Variants in SGIP1 observed in about 807,000 individuals in gnomAD.
The protein encoded by SGIP1 is SH3-containing GRB2-like protein 3-interacting protein 1.
In SGIP1, 38 loss-of-function variants were observed where a neutral mutation model predicts 107.5. That is an observed-to-expected ratio of 0.35 (90% CI 0.27 to 0.46). SGIP1 has a LOEUF of 0.46. Ranked by LOEUF, SGIP1 falls within the 20% of genes least tolerant of loss-of-function variation. The pLI is 1.00. For synonymous variants in SGIP1, 365 were observed against 366.1 expected (o/e 1.00, Z 0.03); for missense variants, 929 against 1,019.5 (o/e 0.91, Z 1.21).
chr1:66,696,349 T>C (rs1230600350), intron 18 of SGIP1, among the ~76,000 whole-genome samples: 1 of 152,204 alleles, frequency 6.6e-6, no homozygotes, highest in Non-Finnish European at 1.5e-5. Flanking sequence ...AATCCTGCTT[T>C]CTAGGATTTT....
At chr1:66,664,274 A>G (rs550254058) in intron 8 of SGIP1, among the ~76,000 whole-genome samples, 18 of 152,282 alleles carry the variant, frequency 1.2e-4, no homozygotes, top group African/African-American at 4.3e-4. Flanking sequence ...TTTAAGGTGC[A>G]TCCAGGCAGG....
chr1:66,613,108 AT>A (rs2068381995), intron 1 of SGIP1, among the ~76,000 whole-genome samples: 1 of 152,168 alleles, frequency 6.6e-6, no homozygotes, highest in Non-Finnish European at 1.5e-5. Flanking sequence ...ACTCAATATA[AT>A]TTTGTCTTTT....
intron 18 of SGIP1, among the ~76,000 whole-genome samples, chr1:66,708,837 T>G (rs2092707569): frequency 6.6e-6 from 1 of 152,140 alleles, no homozygotes; most frequent in Middle Eastern, 3.2e-3. Context: ...AGCAGAGACT[T>G]ATGAAGAGGA....
chr1:66,628,294 T>C (rs1048132777), intron 2 of SGIP1: 3 of 154,264 alleles, frequency 1.9e-5, no homozygotes, highest in Non-Finnish European at 4.4e-5. Context: ...TGATGATGCC[T>C]TCACTAGATC....
rs1175687856 is a variant in SGIP1, at chr1:66,630,801, CGGAAAGAAAGAA to C, written c.75-2268_75-2257del. Among the ~76,000 whole-genome samples the C allele has an allele frequency of 7.5e-3, 433 of 57,978 alleles. 45 individuals are homozygous for C. The highest frequency in any genetic ancestry group is 0.039 in the East Asian group (48 of 1,218). 38.0% of individuals were successfully genotyped at this position (57,978 alleles called of 152,430 possible). On this transcript the variant is annotated intron_variant, in intron 2 of 24. Coordinates refer to ENST00000371037, the MANE Select transcript of SGIP1 (RefSeq NM_032291.4). ...AGCCTGGGTGACAAGAGCAAAACTC[CGGAAAGAAAGAA>C]AGAAAGAAAGAAAGAAAGAAAGAAA...
At chr1:66,688,992 G>GA (rs936368207) in intron 15 of SGIP1, among the ~76,000 whole-genome samples, 156 bp from the exon 16 acceptor site, 44 of 90,222 alleles carry the variant, frequency 4.9e-4, no homozygotes, top group African/African-American at 1.6e-3. Context: ...TCTTTATTAA[G>GA]AAAAAAAAGA....
chr1:66,683,692 T>C (rs1042048590), intron 15 of SGIP1, among the ~76,000 whole-genome samples: 1 of 143,628 alleles, frequency 7.0e-6, no homozygotes, highest in Non-Finnish European at 1.5e-5. Context: ...TGTTTGTTTG[T>C]TTCTTTTCTT....
chr1:66,750,563 A>G lies in SGIP1; in HGVS notation c.*7468A>G, dbSNP rs1439815622. On this transcript the variant is annotated 3_prime_UTR_variant, in exon 25 of 25. Transcript: ENST00000371037. ...ACTAAGTACATAATTTCACAAAAAT[A>G]CCTTGGGCATAAAATACTTACAAAA... Among the ~76,000 whole-genome samples the G allele has an allele frequency of 6.6e-6, 1 of 152,256 alleles. No homozygotes were observed. The highest frequency in any genetic ancestry group is 1.5e-5 in the Non-Finnish European group (1 of 68,048).
At position 66,741,352 on chromosome 1, in the gene SGIP1, G is replaced by C; in HGVS notation, c.2380G>C (p.Glu794Gln). 1 of 1,612,012 alleles carries C rather than the reference G, an allele frequency of 6.2e-7. No individual in the cohort carries two copies. Among genetic ancestry groups the C allele is most frequent in the Non-Finnish European group, 8.5e-7 (1 of 1,178,900 alleles). The change falls in exon 24 of 25, where the codon GAA becomes CAA. Residue 794 changes from glutamate to glutamine, a missense_variant. Glu to Gln is a conservative substitution (Grantham distance 29). Transcript: ENST00000371037. ...TCCATTGGTTGTGCAGTTCACAAGT[G>C]AAGGAAGCACCCTTTCTGGCTGTGA... ...PSPLVVQFTSEGSTLSGCDIE... is the reference protein window; with the variant it reads ...PSPLVVQFTSQGSTLSGCDIE...
chr1:66,598,196 G>A (rs1022437238), intron 1 of SGIP1, among the ~76,000 whole-genome samples: 3 of 152,112 alleles, frequency 2.0e-5, no homozygotes, highest in Non-Finnish European at 4.4e-5. Context: ...AGAAATGGGT[G>A]ATTTTAATTT....
chr1:66,590,930 C>A (rs780759204), intron 1 of SGIP1, among the ~76,000 whole-genome samples: 2 of 152,196 alleles, frequency 1.3e-5, no homozygotes, highest in Non-Finnish European at 2.9e-5. Flanking sequence ...CTTTCTGTAG[C>A]CCAGCTGTCA....
chr1:66,619,245 C>T (rs1248318571), intron 1 of SGIP1, among the ~76,000 whole-genome samples: 2 of 152,132 alleles, frequency 1.3e-5, no homozygotes, highest in African/African-American at 4.8e-5. Flanking sequence ...ACATGATCTC[C>T]AAAAGTGGTG....
intron 1 of SGIP1, among the ~76,000 whole-genome samples, chr1:66,542,490 C>T (rs1468060049): frequency 6.6e-6 from 1 of 152,080 alleles, no homozygotes; most frequent in Non-Finnish European, 1.5e-5. Flanking sequence ...TGACCTTGAA[C>T]ACAGGCACTG....
At chr1:66,550,969 G>C (rs561352760) in intron 1 of SGIP1, among the ~76,000 whole-genome samples, 1 of 152,030 alleles carries the variant, frequency 6.6e-6, no homozygotes, top group South Asian at 2.1e-4. Flanking sequence ...TCCCATATAG[G>C]GGCAGAACAA....
intron 18 of SGIP1, among the ~76,000 whole-genome samples, chr1:66,707,464 A>G (rs2150305521): frequency 6.6e-6 from 1 of 152,298 alleles, no homozygotes; most frequent in East Asian, 1.9e-4. Flanking sequence ...GTGACACATC[A>G]AAAATTCCAG....
chr1:66,739,263 T>C, intron 21 of SGIP1, 72 bp from the exon 22 acceptor site: 3 of 1,511,928 alleles, frequency 2.0e-6, no homozygotes, highest in Non-Finnish European at 2.7e-6. Context: ...ATAAACAACA[T>C]ATGACATTTT....
Position 66,746,594 on chromosome 1 carries a change from G to A in SGIP1, c.*3499G>A, listed in dbSNP as rs1251768371. 6.6e-6 allele frequency: 1 copy of A among 152,030 alleles called. No individual in the cohort carries two copies. Among genetic ancestry groups the A allele is most frequent in the Non-Finnish European group, 1.5e-5 (1 of 67,954 alleles). The allele number at this position is 152,030 out of a possible 1,614,324, so 9.4% of individuals were successfully genotyped here. ...CATGTACCAGTCACTAGAGATATTA[G>A]CTCATTTAATTCTCTTATCAATCAA... On this transcript the variant is annotated 3_prime_UTR_variant, in exon 25 of 25. Transcript: ENST00000371037.
chr1:66,609,882 T>G (rs1341888399), intron 1 of SGIP1, among the ~76,000 whole-genome samples: 2 of 152,226 alleles, frequency 1.3e-5, no homozygotes, highest in African/African-American at 4.8e-5. Context: ...ATTTGGATCT[T>G]GGCTTTTCTG....
At chr1:66,617,224 G>A (rs1017036503) in intron 1 of SGIP1, among the ~76,000 whole-genome samples, 1 of 152,118 alleles carries the variant, frequency 6.6e-6, no homozygotes, top group Non-Finnish European at 1.5e-5. Flanking sequence ...GCTAGACACT[G>A]AACTCTACAT....
Sources: gnomAD v4.1 joint callset for allele counts (sites outside exome capture counted in the v4.1 genomes callset) on GRCh38, gnomAD v4.1.1 for gene constraint, MANE v1.5 for transcripts, NCBI Gene and HGNC (gene_info 2026-07-23, HGNC 2026-07-21) for gene names.